Variants in TRIO observed in about 807,000 individuals in gnomAD.
The protein encoded by TRIO is triple functional domain protein.
Under a neutral mutation model 351.9 loss-of-function variants are expected in TRIO, and 58 were observed. The observed-to-expected ratio is 0.16, with a 90% CI of 0.13 to 0.21. The LOEUF (loss-of-function observed/expected upper bound fraction) is 0.21. Ranked by LOEUF, TRIO falls within the 10% of genes least tolerant of loss-of-function variation. The probability of loss-of-function intolerance (pLI) is 1.00; values close to 1 mark genes in which losing one functional copy is unlikely to be tolerated. For synonymous variants in TRIO, 1,758 were observed against 1,595.7 expected, an observed-to-expected ratio of 1.10 and a Z score of -2.42; for missense variants, 3,201 against 4,027.8, an observed-to-expected ratio of 0.79 and a Z score of 5.56.
Position 14,394,035 on chromosome 5 carries a change from C to T in TRIO, c.4219-3C>T, listed in dbSNP as rs1747345438. ...TCTTGTTTCTTGTTTGGTTTTAATA[C>T]AGGAGATACAGCAGCGACATGGATT... On this transcript the variant is annotated splice_polypyrimidine_tract_variant and splice_region_variant and intron_variant, in intron 27 of 56. Coordinates refer to ENST00000344204, the MANE Select transcript of TRIO (RefSeq NM_007118.4). 5 of 1,608,224 alleles carry T rather than the reference C, an allele frequency of 3.1e-6. No individual in the cohort carries two copies. The highest frequency in any genetic ancestry group is 4.3e-6 in the Non-Finnish European group (5 of 1,176,060).
intron 1 of TRIO, among the ~76,000 whole-genome samples, chr5:14,254,343 T>C (rs1426274828): frequency 6.6e-6 from 1 of 152,194 alleles, no homozygotes; most frequent in Non-Finnish European, 1.5e-5. Flanking sequence ...GGCTAATTTT[T>C]GTATTTTTAG....
chr5:14,426,163 T>G (rs1209674988), intron 34 of TRIO, among the ~76,000 whole-genome samples: 1 of 152,184 alleles, frequency 6.6e-6, no homozygotes, highest in Admixed American at 6.5e-5. Flanking sequence ...TTTCTCTTGG[T>G]CAGAGAATAA....
intron 33 of TRIO, 129 bp downstream of exon 33, chr5:14,406,801 G>C: frequency 1.1e-6 from 1 of 873,962 alleles, no homozygotes; most frequent in East Asian, 2.8e-5. Flanking sequence ...GCCAGGAGTG[G>C]TGCCAGGATC....
chr5:14,507,392 G>T, intron 56 of TRIO, 132 bp downstream of exon 56: 1 of 1,286,984 alleles, frequency 7.8e-7, no homozygotes, highest in Non-Finnish European at 1.0e-6. Flanking sequence ...GTGGGGCAGC[G>T]CAGACACTGA....
intron 8 of TRIO, among the ~76,000 whole-genome samples, chr5:14,316,265 A>G (rs1298871772): frequency 6.6e-6 from 1 of 152,156 alleles, no homozygotes; most frequent in African/African-American, 2.4e-5. Flanking sequence ...ATTTTCACCT[A>G]GTGTTTTGCA....
At chr5:14,193,884 G>A (rs376298780) in intron 1 of TRIO, among the ~76,000 whole-genome samples, 3 of 122,870 alleles carry the variant, frequency 2.4e-5, no homozygotes, top group East Asian at 2.5e-4. Context: ...AACAGTGACC[G>A]TTTACTGTGT....
At chr5:14,176,342 C>A (rs902764749) in intron 1 of TRIO, among the ~76,000 whole-genome samples, 1 of 152,094 alleles carries the variant, frequency 6.6e-6, no homozygotes, top group African/African-American at 2.4e-5. Context: ...TGGTGGCGGG[C>A]GCCTGTAGTC....
rs867053574 is a variant in TRIO at position 14,325,584 on chromosome 5, G to C, written c.1732-5194G>C. ...GCCCCCATGACTGGAACACCTCCCG[G>C]TAGGCCCCACTTCTGACACTGGATA... is the stretch of plus-strand genomic sequence containing the variant. On this transcript the variant is annotated intron_variant, in intron 9 of 56. Transcript: ENST00000344204. Among the ~76,000 whole-genome samples the C allele has an allele frequency of 2.6e-5, 4 of 152,320 alleles. No individual in the cohort carries two copies. The Middle Eastern group carries it at 0.014, about 518-fold the overall frequency.
intron 1 of TRIO, among the ~76,000 whole-genome samples, chr5:14,162,899 C>T (rs573585396): frequency 5.3e-5 from 8 of 152,290 alleles, no homozygotes; most frequent in African/African-American, 1.9e-4. Context: ...CTCCACCTCC[C>T]AGGTTCAAGT....
chr5:14,394,257 T>C, intron 28 of TRIO, 127 bp downstream of exon 28: 1 of 603,484 alleles, frequency 1.7e-6, no homozygotes. Flanking sequence ...ACTTTTTAAT[T>C]CATTAGTATT....
At chr5:14,359,778 G>A (rs576491995) in intron 13 of TRIO, among the ~76,000 whole-genome samples, 10 of 152,222 alleles carry the variant, frequency 6.6e-5, no homozygotes, top group Non-Finnish European at 1.3e-4. Flanking sequence ...GGCAGCTCGC[G>A]TGGCAGGAGC....
chr5:14,158,331 A>G (rs1037165918), intron 1 of TRIO, among the ~76,000 whole-genome samples: 13 of 151,934 alleles, frequency 8.6e-5, no homozygotes, highest in African/African-American at 2.9e-4. Flanking sequence ...AGGCTGAGGC[A>G]GAAGAAGCGC....
At chr5:14,367,462 C>T (rs986484007) in intron 16 of TRIO, among the ~76,000 whole-genome samples, 10 of 152,160 alleles carry the variant, frequency 6.6e-5, no homozygotes, top group Non-Finnish European at 1.5e-4. Context: ...TAAACGATGC[C>T]GACAGCAAAA....
intron 1 of TRIO, among the ~76,000 whole-genome samples, chr5:14,190,608 A>G (rs1180305709): frequency 3.9e-5 from 6 of 152,150 alleles, no homozygotes; most frequent in Non-Finnish European, 7.4e-5. Context: ...ATTCAGGCTC[A>G]TGAAATGTCT....
intron 1 of TRIO, among the ~76,000 whole-genome samples, chr5:14,241,877 A>T (rs1470975318): frequency 2.0e-5 from 3 of 151,428 alleles, no homozygotes; most frequent in Admixed American, 6.6e-5. Flanking sequence ...AGCTTAGAAC[A>T]TTTTTTTTTG....
At chr5:14,493,850 A>C (rs763925149) in intron 49 of TRIO, among the ~76,000 whole-genome samples, 1 of 152,266 alleles carries the variant, frequency 6.6e-6, no homozygotes, top group Non-Finnish European at 1.5e-5. Flanking sequence ...GTAAGAAGGC[A>C]AAACAGCCTT....
chr5:14,468,883 T>C (rs1754472948), intron 37 of TRIO, among the ~76,000 whole-genome samples: 1 of 152,212 alleles, frequency 6.6e-6, no homozygotes, highest in Non-Finnish European at 1.5e-5. Flanking sequence ...CCTGAGGATT[T>C]GACTCGAAAA....
chr5:14,352,634 C>T (rs935671501), intron 11 of TRIO, among the ~76,000 whole-genome samples: 8 of 152,162 alleles, frequency 5.3e-5, no homozygotes, highest in African/African-American at 1.4e-4. Flanking sequence ...CTTTTTTCTC[C>T]AAATTGAATG....
intron 33 of TRIO, among the ~76,000 whole-genome samples, chr5:14,415,937 C>T (rs1018564161): frequency 5.3e-5 from 8 of 151,598 alleles, no homozygotes; most frequent in African/African-American, 1.9e-4. Context: ...ATGAATCTCG[C>T]AAGTGTTAAT....
Sources: allele counts gnomAD v4.1 joint callset (sites outside exome capture counted in the v4.1 genomes callset), GRCh38; gene constraint gnomAD v4.1.1; transcripts MANE v1.5; gene names NCBI Gene and HGNC (gene_info 2026-07-23, HGNC 2026-07-21).